Variants in FRMD4A observed in about 807,000 individuals in gnomAD.
FRMD4A encodes the protein FERM domain-containing protein 4A.
In FRMD4A, 29 loss-of-function variants were observed where a neutral mutation model predicts 129.1. That is an observed-to-expected ratio of 0.22 (90% CI 0.17 to 0.31). The LOEUF is 0.31. FRMD4A is among the 10% of genes least tolerant of loss of function. FRMD4A has a pLI of 1.00. For missense variants in FRMD4A, 1,272 were observed against 1,375.8 expected (o/e 0.92, Z 1.19); for synonymous variants, 634 against 571.6 (o/e 1.11, Z -1.56).
At chr10:14,224,337 T>C (rs984100902) in intron 2 of FRMD4A, among the ~76,000 whole-genome samples, 1 of 152,214 alleles carries the variant, frequency 6.6e-6, no homozygotes, top group Non-Finnish European at 1.5e-5. Context: ...CAGCACTTTG[T>C]AGCTTTCCTA....
chr10:13,913,116 T>C (rs573302805), intron 2 of FRMD4A, among the ~76,000 whole-genome samples: 2 of 149,836 alleles, frequency 1.3e-5, no homozygotes, highest in Non-Finnish European at 3.0e-5. Context: ...AGAAATGAAG[T>C]GCTGATACAT....
At chr10:13,695,701 T>C (rs2086159411) in intron 14 of FRMD4A, among the ~76,000 whole-genome samples, 3 of 152,244 alleles carry the variant, frequency 2.0e-5, no homozygotes, top group African/African-American at 4.8e-5. Context: ...AGGTTCACCA[T>C]TGTAGCTTCC....
chr10:13,674,769 C>G, intron 16 of FRMD4A, 142 bp downstream of exon 16: 1 of 933,564 alleles, frequency 1.1e-6, no homozygotes, highest in East Asian at 2.4e-5. Context: ...GATAGGCCCT[C>G]TTTTTATCAC....
At chr10:14,316,979 C>T (rs1846765021) in intron 2 of FRMD4A, among the ~76,000 whole-genome samples, 2 of 152,230 alleles carry the variant, frequency 1.3e-5, no homozygotes, top group Non-Finnish European at 2.9e-5. Context: ...CACACTCTCT[C>T]CCATTCTCGC....
chr10:13,847,243 C>A (rs3858174), intron 3 of FRMD4A, among the ~76,000 whole-genome samples: 5 of 152,294 alleles, frequency 3.3e-5, no homozygotes, highest in African/African-American at 7.2e-5. Flanking sequence ...GTGGGCGGCC[C>A]CAGGGGTGGG....
intron 12 of FRMD4A, among the ~76,000 whole-genome samples, chr10:13,712,401 C>T (rs1209709631): frequency 1.3e-5 from 2 of 152,086 alleles, no homozygotes; most frequent in Admixed American, 1.3e-4. Context: ...GTAATCCTAA[C>T]TACTCCGGAG....
chr10:13,834,941 A>G (rs1012643942), intron 3 of FRMD4A, among the ~76,000 whole-genome samples: 3 of 152,196 alleles, frequency 2.0e-5, no homozygotes, highest in African/African-American at 7.2e-5. Context: ...ATGGACTTCC[A>G]GACAATCAGA....
chr10:13,716,363 T>C (rs1274655933), intron 12 of FRMD4A, among the ~76,000 whole-genome samples: 2 of 152,186 alleles, frequency 1.3e-5, no homozygotes, highest in East Asian at 1.9e-4. Flanking sequence ...TGGGCTATAA[T>C]GGGAACATAT....
chr10:14,071,766 G>A (rs918284178), intron 2 of FRMD4A, among the ~76,000 whole-genome samples: 4 of 152,048 alleles, frequency 2.6e-5, no homozygotes, highest in Admixed American at 2.0e-4. Context: ...AGAAAGATAC[G>A]CACTTAGTGG....
intron 1 of FRMD4A, 36 bp from the exon 2 acceptor site, chr10:14,330,219 GC>G: frequency 1.9e-6 from 2 of 1,036,482 alleles, no homozygotes; most frequent in Non-Finnish European, 2.9e-6. Context: ...GACTTAGGGA[GC>G]AAAAGGCTCA....
At position 13,884,168 on chromosome 10, in the gene FRMD4A, TCACACACTCACACACA is replaced by T. The variant is rs1564971087; in HGVS notation, c.46-25272_46-25257del. ...CTCTCACACACTCTCACACACACAC[TCACACACTCACACACA>T]CACACACACACTCACACACACACTC... On this transcript the variant is annotated intron_variant, in intron 2 of 24. Transcript: ENST00000357447. Among the ~76,000 whole-genome samples, 260 of 67,296 alleles carry T rather than the reference TCACACACTCACACACA, an allele frequency of 3.9e-3. 6 individuals are homozygous for T. Among genetic ancestry groups the T allele is most frequent in the South Asian group, 6.9e-3 (10 of 1,450 alleles). The allele number at this position is 67,296 out of a possible 152,430, so 44.1% of individuals were successfully genotyped here.
chr10:14,281,458 A>T (rs1564437595), intron 2 of FRMD4A, among the ~76,000 whole-genome samples: 1 of 152,230 alleles, frequency 6.6e-6, no homozygotes, highest in Non-Finnish European at 1.5e-5. Flanking sequence ...TGCTGATAAC[A>T]TTGATCTCAG....
intron 3 of FRMD4A, among the ~76,000 whole-genome samples, chr10:13,836,924 A>T (rs1394634569): frequency 2.8e-5 from 4 of 141,390 alleles, no homozygotes; most frequent in Non-Finnish European, 6.3e-5. Flanking sequence ...CGCCCGGCTA[A>T]TTTTTTGTAT....
intron 2 of FRMD4A, among the ~76,000 whole-genome samples, chr10:14,048,480 A>G (rs2447028): frequency 1 from 151,976 of 152,336 alleles, 75,810 homozygotes; most frequent in Middle Eastern, 1. Flanking sequence ...CTTCCTAGTC[A>G]TCACTAAGAC....
intron 2 of FRMD4A, among the ~76,000 whole-genome samples, chr10:14,071,904 T>C (rs556837703): frequency 6.6e-6 from 1 of 151,702 alleles, no homozygotes; most frequent in Non-Finnish European, 1.5e-5. Context: ...AAGAAGGAGG[T>C]GGTAGGAAGG....
intron 2 of FRMD4A, among the ~76,000 whole-genome samples, chr10:14,132,606 G>T (rs1024635507): frequency 2.6e-5 from 4 of 152,208 alleles, no homozygotes; most frequent in African/African-American, 9.6e-5. Context: ...AGAGACAGTA[G>T]ATCTGGAGTA....
intron 2 of FRMD4A, among the ~76,000 whole-genome samples, chr10:14,191,727 A>G (rs561784984): frequency 6.6e-6 from 1 of 152,086 alleles, no homozygotes; most frequent in Non-Finnish European, 1.5e-5. Flanking sequence ...ACATTGATGA[A>G]TATTTCCAGC....
chr10:13,963,215 A>C (rs938959819), intron 2 of FRMD4A, among the ~76,000 whole-genome samples: 1 of 151,716 alleles, frequency 6.6e-6, no homozygotes, highest in Non-Finnish European at 1.5e-5. Flanking sequence ...AAATGTGCAG[A>C]CTTGACAGAG....
At chr10:14,012,618 A>G (rs1040457042) in intron 2 of FRMD4A, among the ~76,000 whole-genome samples, 7 of 152,184 alleles carry the variant, frequency 4.6e-5, no homozygotes, top group Non-Finnish European at 1.0e-4. Flanking sequence ...CGGTCACAGG[A>G]GCAGACTCAT....
Sources: gnomAD v4.1 joint callset for allele counts (sites outside exome capture counted in the v4.1 genomes callset) on GRCh38, gnomAD v4.1.1 for gene constraint, MANE v1.5 for transcripts, NCBI Gene and HGNC (gene_info 2026-07-23, HGNC 2026-07-21) for gene names.